The following ANKRA2 variants were observed in gnomAD, a reference collection of about 807,000 sequenced individuals.
ANKRA2 encodes ankyrin repeat family A member 2.
In ANKRA2, 33 loss-of-function variants were observed where a neutral mutation model predicts 37.8. The observed-to-expected ratio is 0.87, with a 90% CI of 0.66 to 1.17. The LOEUF is 1.17. Among genes scored for constraint, ANKRA2 ranks in the 50% most tolerant of loss-of-function variants. The pLI, the probability that ANKRA2 is intolerant of heterozygous loss-of-function variation, is 0.00. For synonymous variants in ANKRA2, 126 were observed against 132.3 expected, an observed-to-expected ratio of 0.95 and a Z score of 0.33; for missense variants, 326 against 373.7, an observed-to-expected ratio of 0.87 and a Z score of 1.05.
At chr5:73,553,206 T>C (rs1747298432) in intron 8 of ANKRA2, among the ~76,000 whole-genome samples, 200 bp downstream of exon 8, 1 of 152,180 alleles carries the variant, frequency 6.6e-6, no homozygotes, top group South Asian at 2.1e-4. Context: ...AACCAATTAT[T>C]TGGGTTGGTG....
intron 2 of ANKRA2, 32 bp downstream of exon 2, chr5:73,562,561 C>T (rs750868700): frequency 6.5e-7 from 1 of 1,535,512 alleles, no homozygotes; most frequent in Non-Finnish European, 8.8e-7. Context: ...AAAACAAAAA[C>T]AAATGCAGAT....
At position 73,562,865 on chromosome 5, in the gene ANKRA2, T is replaced by C. The variant is rs954202952; in HGVS notation, c.17A>G (p.Asn6Ser). The change falls in exon 2 of 9, where the codon AAT becomes AGT. Residue 6 changes from asparagine (N) to serine (S), a missense_variant. Asn to Ser is a conservative substitution (Grantham distance 46). Transcript: ENST00000296785. Reference protein sequence around the residue: MDTSTNLDIGAQLIVE... With the variant: MDTSTSLDIGAQLIVE... ...GATAAGCTGGGCTCCAATATCCAGA[T>C]TTGTTGATGTATCCATGATTTCAAC... The C allele has an allele frequency of 3.1e-6, 5 of 1,608,340 alleles. No individual in the cohort carries two copies. The highest frequency in any genetic ancestry group is 4.3e-6 in the Non-Finnish European group (5 of 1,176,376).
chr5:73,552,653 T>C lies in ANKRA2; in HGVS notation c.*144A>G. The C allele has an allele frequency of 1.5e-6, 1 of 660,024 alleles. No individual in the cohort carries two copies. 40.9% of individuals were successfully genotyped at this position (660,024 alleles called of 1,614,324 possible). ...GAGTATTACATTTATTATAAACCAG[T>C]GAATTACTCAGAGAAATATTTATTA... is the stretch of plus-strand genomic sequence containing the variant. On this transcript the variant is annotated 3_prime_UTR_variant, in exon 9 of 9. Coordinates refer to ENST00000296785, the MANE Select transcript of ANKRA2 (RefSeq NM_023039.5).
At chr5:73,554,745 T>C in intron 6 of ANKRA2, 116 bp downstream of exon 6, 2 of 1,250,830 alleles carry the variant, frequency 1.6e-6, no homozygotes, top group Non-Finnish European at 2.2e-6. Context: ...GGACTACAGG[T>C]GTACACCACG....
intron 1 of ANKRA2, among the ~76,000 whole-genome samples, chr5:73,564,544 A>C: frequency 6.6e-6 from 1 of 152,198 alleles, no homozygotes; most frequent in East Asian, 1.9e-4. Flanking sequence ...TTCTATTTCT[A>C]ACATTTGCTG....
chr5:73,557,590 T>C lies in ANKRA2; in HGVS notation c.499A>G (p.Thr167Ala), dbSNP rs781762042. The C allele has an allele frequency of 2.5e-6, 4 of 1,608,406 alleles. No homozygotes were observed. Among genetic ancestry groups the C allele is most frequent in the East Asian group, 4.5e-5 (2 of 44,768 alleles). ...AGGCTATTACCTTGTTCGATACGAG[T>C]AGCCAGATAGAGCATCTCTCCCTGA... ...AAQGEMLYLATRIEQENVINH... is the reference protein window; with the variant it reads ...AAQGEMLYLAARIEQENVINH... Residue 167 changes from threonine to alanine, a missense_variant, in exon 4 of 9, where the codon ACT (threonine) becomes GCT (alanine). Transcript: ENST00000296785.
chr5:73,557,336 A>G (rs934998743), intron 4 of ANKRA2: 8 of 287,306 alleles, frequency 2.8e-5, no homozygotes, highest in African/African-American at 1.8e-4. Context: ...AATTTACTGA[A>G]AATGTAAGAA....
At chr5:73,555,390 C>T (rs1216734211) in intron 5 of ANKRA2, 98 bp downstream of exon 5, 1 of 1,518,306 alleles carries the variant, frequency 6.6e-7, no homozygotes, top group African/African-American at 1.4e-5. Context: ...TTTTGGTAGC[C>T]TCTACCATTA....
In ANKRA2 at chr5:73,552,410, T is replaced by C. The variant is rs1172772349; in HGVS notation, c.*387A>G. 6.4e-6 allele frequency: 1 copy of C among 155,742 alleles called. No individual in the cohort carries two copies. The highest frequency in any genetic ancestry group is 6.5e-5 in the Admixed American group (1 of 15,322). 9.6% of individuals were successfully genotyped at this position (155,742 alleles called of 1,614,324 possible). A position where few individuals can be genotyped will look rare whatever the true frequency, so the allele number is the denominator to read the frequency against. On this transcript the variant is annotated 3_prime_UTR_variant, in exon 9 of 9. Coordinates refer to ENST00000296785, the MANE Select transcript of ANKRA2 (RefSeq NM_023039.5). ...CACTGTGCACTTTTTTATTCAACAA[T>C]AAGAACAATTTTTTTCTAGGGATTT...
Position 73,552,710 on chromosome 5 carries a change from T to A in ANKRA2, c.*87A>T. 8.0e-7 allele frequency: 1 copy of A among 1,248,256 alleles called. No homozygotes were observed. The highest frequency in any genetic ancestry group is 1.1e-6 in the Non-Finnish European group (1 of 870,284). The allele number at this position is 1,248,256 out of a possible 1,614,324, so 77.3% of individuals were successfully genotyped here. On this transcript the variant is annotated 3_prime_UTR_variant, in exon 9 of 9. Coordinates refer to ENST00000296785, the MANE Select transcript of ANKRA2 (RefSeq NM_023039.5). Reference sequence around the variant, plus strand: ...ACTAAAAACCAGTAAATATTGCAACTGAGGTAAAAATTTATAAGTAAACAA... The same window carrying A: ...ACTAAAAACCAGTAAATATTGCAACAGAGGTAAAAATTTATAAGTAAACAA...
intron 3 of ANKRA2, among the ~76,000 whole-genome samples, chr5:73,557,842 A>G (rs1747443607): frequency 6.6e-6 from 1 of 152,040 alleles, no homozygotes; most frequent in Non-Finnish European, 1.5e-5. Context: ...TTTGGGAGGC[A>G]GAGGCAGGTG....
Position 73,553,492 on chromosome 5 carries a change from C to T in ANKRA2, c.806-6G>A, listed in dbSNP as rs750639213. ...TGTTGGATCAGCCCCACTTTCTATA[C>T]CAAAATAGAAAAACTACATAAATGA... is the stretch of plus-strand genomic sequence containing the variant. On this transcript the variant is annotated splice_region_variant and splice_polypyrimidine_tract_variant and intron_variant, in intron 7 of 8. Coordinates refer to ENST00000296785, the MANE Select transcript of ANKRA2 (RefSeq NM_023039.5). 12 of 1,601,740 alleles carry T rather than the reference C, an allele frequency of 7.5e-6. No homozygotes were observed. Among genetic ancestry groups the T allele is most frequent in the Admixed American group, 1.7e-5 (1 of 59,960 alleles).
rs1747596253 is a variant in ANKRA2 at position 73,562,953 on chromosome 5, C to T, written c.-72G>A. On this transcript the variant is annotated 5_prime_UTR_variant, in exon 2 of 9. Transcript: ENST00000296785. ...CTCTTGGTTTTGTAAGAGCAGTATC[C>T]AGTGTGTTCTTGGAATCTGGATATT... 3 of 1,367,148 alleles carry T rather than the reference C, an allele frequency of 2.2e-6. No homozygotes were observed. The Admixed American group carries it at 7.5e-5, about 34-fold the overall frequency. 84.7% of individuals were successfully genotyped at this position (1,367,148 alleles called of 1,614,324 possible).
intron 4 of ANKRA2, 154 bp downstream of exon 4, chr5:73,557,411 CTTTTTTTTTT>C (rs80067963): frequency 7.8e-4 from 150 of 193,174 alleles, no homozygotes; most frequent in East Asian, 1.9e-3. Flanking sequence ...CTTTATATTC[CTTTTTTTTTT>C]TTTTTTTTTT....
intron 7 of ANKRA2, among the ~76,000 whole-genome samples, chr5:73,554,090 A>AC (rs138299590): frequency 0.021 from 3,253 of 151,892 alleles, 135 homozygotes; most frequent in African/African-American, 0.074. Context: ...TTCACATGTG[A>AC]CCCCCCAAAT....
intron 3 of ANKRA2, among the ~76,000 whole-genome samples, chr5:73,560,155 C>T (rs777908378): frequency 3.9e-5 from 6 of 152,054 alleles, no homozygotes; most frequent in East Asian, 1.9e-4. Flanking sequence ...AAAAAAGTTA[C>T]GTATAATGCA....
chr5:73,554,624 A>AG (rs1400512521), intron 6 of ANKRA2, among the ~76,000 whole-genome samples: 2 of 152,150 alleles, frequency 1.3e-5, no homozygotes, highest in African/African-American at 4.8e-5. Flanking sequence ...TTTTAGAAAC[A>AG]GGGTCTCACT....
In ANKRA2 at chr5:73,562,992, G is replaced by A; in HGVS notation, c.-104-7C>T. ...AATCTGGATATTTAAAAATCTGAAA[G>A]AAAAAATTAGAAAATTAAAAGTATT... On this transcript the variant is annotated splice_polypyrimidine_tract_variant and splice_region_variant and intron_variant, in intron 1 of 8. Coordinates refer to ENST00000296785, the MANE Select transcript of ANKRA2 (RefSeq NM_023039.5). The A allele has an allele frequency of 2.0e-6, 2 of 978,030 alleles. No homozygotes were observed. The highest frequency in any genetic ancestry group is 1.9e-5 in the South Asian group (1 of 51,984). The allele number at this position is 978,030 out of a possible 1,614,324, so 60.6% of individuals were successfully genotyped here.
At chr5:73,554,745 T>G (rs1234547081) in intron 6 of ANKRA2, 116 bp downstream of exon 6, 3 of 1,250,830 alleles carry the variant, frequency 2.4e-6, no homozygotes, top group Non-Finnish European at 2.2e-6. Flanking sequence ...GGACTACAGG[T>G]GTACACCACG....
Sources: allele counts gnomAD v4.1 joint callset (sites outside exome capture counted in the v4.1 genomes callset), GRCh38; gene constraint gnomAD v4.1.1; transcripts MANE v1.5; gene names NCBI Gene and HGNC (gene_info 2026-07-23, HGNC 2026-07-21).